The following SKOR1 variants were observed in gnomAD, a reference collection of about 807,000 sequenced individuals.
SKOR1 encodes SKI family transcriptional corepressor 1.
In SKOR1, 38 loss-of-function variants were observed where a neutral mutation model predicts 72.4. The observed-to-expected ratio is 0.52, with a 90% confidence interval of 0.40 to 0.69. The LOEUF (loss-of-function observed/expected upper bound fraction) is 0.69. Ranked by LOEUF, SKOR1 falls within the 30% of genes least tolerant of loss-of-function variation. The pLI is 0.00. For synonymous variants in SKOR1, 642 were observed against 599.4 expected, an observed-to-expected ratio of 1.07 and a Z score of -1.04; for missense variants, 1,320 against 1,343.2, an observed-to-expected ratio of 0.98 and a Z score of 0.27.
chr15:67,827,526 C>T lies in SKOR1; in HGVS notation c.1698C>T (p.Gly566=), dbSNP rs2090971935. 6.6e-7 allele frequency: 1 copy of T among 1,522,498 alleles called. No individual in the cohort carries two copies. The highest frequency in any genetic ancestry group is 8.8e-7 in the Non-Finnish European group (1 of 1,142,004). The allele number at this position is 1,522,498 out of a possible 1,614,324, so 94.3% of individuals were successfully genotyped here. Residue 566 remains glycine, a synonymous_variant, in exon 2 of 9, where the codon GGC becomes GGT. Transcript: ENST00000380035. ...CCCGCGGGCCCCTGGACGAAGACGG[C>T]ACGGACGAGGCGCTGCCACCGCCCC... ...ALSRGPLDED[G]TDEALPPPLA...
rs761374904 is a variant in SKOR1, at chr15:67,827,236, A to T, written c.1408A>T (p.Lys470Ter). The T allele has an allele frequency of 6.4e-7, 1 of 1,574,088 alleles. No homozygotes were observed. Among genetic ancestry groups the T allele is most frequent in the African/African-American group, 1.4e-5 (1 of 71,772 alleles). ...GGGGCATCAACCCTCCGGGGCAGCC[A>T]AGGACGCAGCGGCAGTGGCTGCAGC... Reference protein sequence around the residue: ...FWGHQPSGAAKDAAAVAAAAA... With the variant: ...FWGHQPSGAA The change falls in exon 2 of 9, where the codon AAG (lysine) becomes TAG (stop). Residue 470 changes from lysine to a stop codon, truncating the protein, a stop_gained. Transcript: ENST00000380035. LOFTEE classifies it high-confidence loss of function.
At position 67,827,059 on chromosome 15, in the gene SKOR1, G is replaced by C. The variant is rs2090965386; in HGVS notation, c.1231G>C (p.Asp411His). ...TAFGLCPKKD[D>H]PVLGAGEPKG... ...CTTCGGCCTATGCCCCAAAAAGGAC[G>C]ACCCGGTTTTAGGCGCGGGCGAGCC... is the stretch of plus-strand genomic sequence containing the variant. Residue 411 changes from aspartate (D) to histidine (H), a missense_variant, in exon 2 of 9, where the codon GAC becomes CAC. By Grantham distance (81) the Asp-to-His change is moderately conservative (BLOSUM62 -1). This residue lies in a region of SKOR1 where 1,099 missense variants were observed against 1,025.5 expected (regional missense o/e 1.07). Transcript: ENST00000380035. The C allele has an allele frequency of 5.2e-6, 8 of 1,545,802 alleles. No homozygotes were observed. The highest frequency in any genetic ancestry group is 1.2e-5 in the South Asian group (1 of 86,258).
At position 67,832,491 on chromosome 15, in the gene SKOR1, A is replaced by C; in HGVS notation, c.2663-116A>C. 1 of 1,289,814 alleles carries C rather than the reference A, an allele frequency of 7.8e-7. No homozygotes were observed. Among genetic ancestry groups the C allele is most frequent in the Middle Eastern group, 2.0e-4 (1 of 5,030 alleles). 79.9% of individuals were successfully genotyped at this position (1,289,814 alleles called of 1,614,324 possible). On this transcript the variant is annotated intron_variant, in intron 6 of 8. Coordinates refer to ENST00000380035, the MANE Select transcript of SKOR1 (RefSeq NM_001365915.1). This position sits in a 1 kb window ranked among gnomAD's most constrained non-coding sequence, Gnocchi z 4.5. ...AGAAACTGTCCTTTTCCAGGGCTGC[A>C]GGCGAATGGCTGGGTGGGAGTTGGG...
At position 67,833,769 on chromosome 15, in the gene SKOR1, C is replaced by G; in HGVS notation, c.2831C>G (p.Ser944Cys). ...GCCCACGACGCCCTGCACCATTTCT[C>G]CTGCAAGATGCTGACGCCCCGCCAC... ...KEAHDALHHFSCKMLTPRHCT... is the reference protein window; with the variant it reads ...KEAHDALHHFCCKMLTPRHCT... Residue 944 changes from serine to cysteine, a missense_variant, in exon 9 of 9, where the codon TCC becomes TGC. Ser to Cys is a moderately radical substitution (Grantham distance 112). Around this residue, in one of 3 missense-constraint regions of SKOR1, gnomAD observed 1,099 missense variants for 1,025.5 expected, o/e 1.07. Coordinates refer to ENST00000380035, the MANE Select transcript of SKOR1 (RefSeq NM_001365915.1). The surrounding 1 kb of genome is among the most constrained non-coding windows in gnomAD (Gnocchi z 6.0). The G allele has an allele frequency of 6.2e-7, 1 of 1,613,602 alleles. No individual in the cohort carries two copies. Among genetic ancestry groups the G allele is most frequent in the Non-Finnish European group, 8.5e-7 (1 of 1,180,034 alleles).
At chr15:67,831,065 G>A (rs901191878) in intron 5 of SKOR1, among the ~76,000 whole-genome samples, 176 bp downstream of exon 5, 2 of 152,156 alleles carry the variant, frequency 1.3e-5, no homozygotes, top group African/African-American at 2.4e-5. Context: ...ACATTACCCT[G>A]GCACAGAGGT....
At position 67,826,301 on chromosome 15, in the gene SKOR1, AG is replaced by A; in HGVS notation, c.475del (p.Ala159ProfsTer102). On this transcript the variant is annotated frameshift_variant, in exon 2 of 9. Transcript: ENST00000380035. LOFTEE classifies it high-confidence loss of function. ...SRRCGMITKR[E>X]AERLCKSFLG... ...CGCTGCGGCATGATCACTAAGCGAGAGGCCGAACGCCTGTGCAAGTCGTTCC... is the reference window on the plus strand; with the variant it reads ...CGCTGCGGCATGATCACTAAGCGAGAGCCGAACGCCTGTGCAAGTCGTTCC... The A allele has an allele frequency of 6.2e-7, 1 of 1,613,492 alleles. No homozygotes were observed.
Position 67,833,793 on chromosome 15 carries a change from A to G in SKOR1, c.2855A>G (p.His952Arg), listed in dbSNP as rs762284179. ...TCCTGCAAGATGCTGACGCCCCGCC[A>G]CTGCACTGGCAACTGCTCCTTCAAG... is the stretch of plus-strand genomic sequence containing the variant. ...HFSCKMLTPRHCTGNCSFKPP... is the reference protein window; with the variant it reads ...HFSCKMLTPRRCTGNCSFKPP... The change falls in exon 9 of 9, where the codon CAC becomes CGC. Residue 952 changes from histidine (H) to arginine (R), a missense_variant. His to Arg is a conservative substitution (Grantham distance 29). Coordinates refer to ENST00000380035, the MANE Select transcript of SKOR1 (RefSeq NM_001365915.1). This position sits in a 1 kb window ranked among gnomAD's most constrained non-coding sequence, Gnocchi z 6.0. 3 of 1,612,952 alleles carry G rather than the reference A, an allele frequency of 1.9e-6. No homozygotes were observed. In the Admixed American group the frequency reaches 5.0e-5, roughly 27 times the overall value.
In SKOR1 at chr15:67,829,261, A is replaced by G. The variant is rs747134353; in HGVS notation, c.2399A>G (p.Glu800Gly). 17 of 1,553,370 alleles carry G rather than the reference A, an allele frequency of 1.1e-5. No homozygotes were observed. In the East Asian group the frequency reaches 1.4e-4, roughly 13 times the overall value. ...GCGGCCTCCTACGTCTGCACCCCCG[A>G]GGCCCACGGTAACGCCTGTCGCGGC... The part of the protein sequence containing the change: ...GPAASYVCTP[E>G]AHEPDKEDNH... Residue 800 changes from glutamate (E) to glycine (G), a missense_variant, in exon 3 of 9, where the codon GAG becomes GGG. By Grantham distance (98) the Glu-to-Gly change is moderately conservative (BLOSUM62 -2). This residue lies in a region of SKOR1 where 1,099 missense variants were observed against 1,025.5 expected (regional missense o/e 1.07). Transcript: ENST00000380035.
chr15:67,834,041 A>C lies in SKOR1; in HGVS notation c.*205A>C. 1.6e-6 allele frequency: 1 copy of C among 619,598 alleles called. No homozygotes were observed. Among genetic ancestry groups the C allele is most frequent in the South Asian group, 1.8e-5 (1 of 55,524 alleles). The allele number at this position is 619,598 out of a possible 1,614,324, so 38.4% of individuals were successfully genotyped here. On this transcript the variant is annotated 3_prime_UTR_variant, in exon 9 of 9. Transcript: ENST00000380035. This position sits in a 1 kb window ranked among gnomAD's most constrained non-coding sequence, Gnocchi z 5.8. ...TGTCCAGGGCCCCGGCTTGGTTTCC[A>C]AGTGTAAATACCGCCTCGCGCCTCA...
rs984129917 is a variant in SKOR1 at position 67,827,573 on chromosome 15, C to A, written c.1745C>A (p.Pro582His). The change falls in exon 2 of 9, where the codon CCC (proline) becomes CAC (histidine). Residue 582 changes from proline (P) to histidine (H), a missense_variant. This residue lies in a region of SKOR1 where 1,099 missense variants were observed against 1,025.5 expected (regional missense o/e 1.07). Transcript: ENST00000380035. The part of the protein sequence containing the change: ...PPPLAPLPPP[P>H]PPPARKGSYV... ...CCCCTGGCCCCGTTGCCCCCGCCGC[C>A]CCCGCCGCCCGCACGCAAAGGCTCC... The A allele has an allele frequency of 6.6e-7, 1 of 1,520,700 alleles. No homozygotes were observed. 94.2% of individuals were successfully genotyped at this position (1,520,700 alleles called of 1,614,324 possible). A position where few individuals can be genotyped will look rare whatever the true frequency, so the allele number is the denominator to read the frequency against.
In SKOR1 at chr15:67,827,999, G is replaced by A. The variant is rs760726956; in HGVS notation, c.2171G>A (p.Gly724Glu). The A allele has an allele frequency of 6.5e-7, 1 of 1,539,776 alleles. No individual in the cohort carries two copies. The highest frequency in any genetic ancestry group is 2.0e-5 in the Admixed American group (1 of 49,974). The change falls in exon 2 of 9, where the codon GGG becomes GAG. Residue 724 changes from glycine to glutamate, a missense_variant. Transcript: ENST00000380035. ...GGSPRPRRRLGPPPAGRPAFG... is the reference protein window; with the variant it reads ...GGSPRPRRRLEPPPAGRPAFG... The stretch of plus-strand genomic sequence containing the variant: ...AGCCCCCGCCCCCGGCGCCGCCTCG[G>A]GCCACCCCCAGCTGGCCGGCCCGCA...
chr15:67,832,162 A>T lies in SKOR1; in HGVS notation c.2588-112A>T. ...GCCAGAGAGCGGAGGGCCTCCACCT[A>T]CTGGTCATCCTTCTCAACTCTCCTT... On this transcript the variant is annotated intron_variant, in intron 5 of 8. Transcript: ENST00000380035. This position sits in a 1 kb window ranked among gnomAD's most constrained non-coding sequence, Gnocchi z 4.5. 1 of 930,868 alleles carries T rather than the reference A, an allele frequency of 1.1e-6. No homozygotes were observed. The highest frequency in any genetic ancestry group is 1.7e-6 in the Non-Finnish European group (1 of 581,068). 57.7% of individuals were successfully genotyped at this position (930,868 alleles called of 1,614,324 possible).
In SKOR1 at chr15:67,826,748, G is replaced by A. The variant is rs1218973936; in HGVS notation, c.920G>A (p.Gly307Asp). Residue 307 changes from glycine to aspartate, a missense_variant, in exon 2 of 9, where the codon GGC becomes GAC. Physicochemically the swap from Gly to Asp is moderately conservative, Grantham distance 94. Transcript: ENST00000380035. Reference protein sequence around the residue: ...QGKGGAGGGGGGGPGCGAEMA... With the variant: ...QGKGGAGGGGDGGPGCGAEMA... ...AAGGGTGGTGCTGGCGGCGGTGGCG[G>A]CGGTGGCCCAGGGTGCGGTGCAGAG... is the stretch of plus-strand genomic sequence containing the variant. The A allele has an allele frequency of 6.5e-7, 1 of 1,536,922 alleles. No homozygotes were observed. Among genetic ancestry groups the A allele is most frequent in the Non-Finnish European group, 8.7e-7 (1 of 1,146,092 alleles).
chr15:67,826,839 G>C lies in SKOR1; in HGVS notation c.1011G>C (p.Pro337=), dbSNP rs1320422584. 2 of 1,523,822 alleles carry C rather than the reference G, an allele frequency of 1.3e-6. No individual in the cohort carries two copies. Among genetic ancestry groups the C allele is most frequent in the Non-Finnish European group, 1.8e-6 (2 of 1,138,218 alleles). 94.4% of individuals were successfully genotyped at this position (1,523,822 alleles called of 1,614,324 possible). The change falls in exon 2 of 9, where the codon CCG becomes CCC. Residue 337 remains proline (P), a synonymous_variant. Coordinates refer to ENST00000380035, the MANE Select transcript of SKOR1 (RefSeq NM_001365915.1). Reference sequence around the variant, plus strand: ...GCGAAGATGAGGCTGCCGGGCCTCCGGGGCCACCTCCACCCCACCCGCAGC... The same window carrying C: ...GCGAAGATGAGGCTGCCGGGCCTCCCGGGCCACCTCCACCCCACCCGCAGC... The part of the protein sequence containing the change: ...RCGEDEAAGP[P]GPPPPHPQRG...
chr15:67,825,880 C>T lies in SKOR1; in HGVS notation c.108-56C>T. ...GAGCGCCCTGCTGGGCGGGCCCGAG[C>T]CTCGGCGGCGGCGCTGAAAATGGCT... On this transcript the variant is annotated intron_variant, in intron 1 of 8. Coordinates refer to ENST00000380035, the MANE Select transcript of SKOR1 (RefSeq NM_001365915.1). The surrounding 1 kb of genome is among the most constrained non-coding windows in gnomAD (Gnocchi z 5.6). The T allele has an allele frequency of 3.3e-6, 5 of 1,509,584 alleles. No homozygotes were observed. The highest frequency in any genetic ancestry group is 3.5e-6 in the Non-Finnish European group (4 of 1,136,020). The allele number at this position is 1,509,584 out of a possible 1,614,324, so 93.5% of individuals were successfully genotyped here.
At chr15:67,830,992 C>A in intron 5 of SKOR1, 103 bp downstream of exon 5, 1 of 1,169,404 alleles carries the variant, frequency 8.6e-7, no homozygotes, top group Non-Finnish European at 1.3e-6. Flanking sequence ...GGAAAAGACA[C>A]TCACCAAGGC....
Position 67,827,943 on chromosome 15 carries a change from G to C in SKOR1, c.2115G>C (p.Ala705=), listed in dbSNP as rs1373923805. 3 of 1,573,390 alleles carry C rather than the reference G, an allele frequency of 1.9e-6. No individual in the cohort carries two copies. Among genetic ancestry groups the C allele is most frequent in the African/African-American group, 1.3e-5 (1 of 74,080 alleles). Residue 705 remains alanine (A), a synonymous_variant, in exon 2 of 9, where the codon GCG becomes GCC. Transcript: ENST00000380035. ...CCCCTTCCGCCACCTCCTCTGGCGCGGACGGTCCCGCAAACTCTCCCGACG... is the reference window on the plus strand; with the variant it reads ...CCCCTTCCGCCACCTCCTCTGGCGCCGACGGTCCCGCAAACTCTCCCGACG... ...TGPPSATSSG[A]DGPANSPDGG...
At chr15:67,828,169 G>T in intron 2 of SKOR1, 25 bp downstream of exon 2, 1 of 1,419,830 alleles carries the variant, frequency 7.0e-7, no homozygotes, top group Non-Finnish European at 9.1e-7. Flanking sequence ...CGCCCCGCCA[G>T]TGGCGCCTTC....
Position 67,826,145 on chromosome 15 carries a change from C to T in SKOR1, c.317C>T (p.Thr106Ile). Residue 106 changes from threonine to isoleucine, a missense_variant, in exon 2 of 9, where the codon ACC (threonine) becomes ATC (isoleucine). Transcript: ENST00000380035. ...CTATGCCTGGCGCAGATCTCCAACA[C>T]CCTCCTCAAGAACTACAGCTATAAT... is the stretch of plus-strand genomic sequence containing the variant. Reference protein sequence around the residue: ...ERLCLAQISNTLLKNYSYNEI... With the variant: ...ERLCLAQISNILLKNYSYNEI... The T allele has an allele frequency of 1.2e-6, 2 of 1,607,910 alleles. No homozygotes were observed. The highest frequency in any genetic ancestry group is 1.7e-5 in the Admixed American group (1 of 59,788).
Sources: gnomAD v4.1 joint callset for allele counts (sites outside exome capture counted in the v4.1 genomes callset) on GRCh38, gnomAD v4.1.1 for gene constraint, gnomAD v4.1.1 regional missense constraint, Gnocchi (gnomAD v3.1) non-coding constraint, MANE v1.5 for transcripts, NCBI Gene and HGNC (gene_info 2026-07-23, HGNC 2026-07-21) for gene names.